Variants in NEK11 observed in about 807,000 individuals in gnomAD.
NEK11 encodes NIMA related kinase 11.
A neutral mutation model predicts 80.7 loss-of-function variants in NEK11; 72 were observed. The ratio of observed to expected loss-of-function variants is 0.89; its 90% CI spans 0.74 to 1.08. The LOEUF (loss-of-function observed/expected upper bound fraction) is 1.08. NEK11 is among the 50% of genes least tolerant of loss of function. The pLI is 0.00. For synonymous variants in NEK11, 251 were observed against 260.7 expected, an observed-to-expected ratio of 0.96 and a Z score of 0.36; for missense variants, 764 against 763.6, an observed-to-expected ratio of 1.00 and a Z score of -0.01.
At chr3:131,098,583 T>C (rs1578227782) in intron 4 of NEK11, among the ~76,000 whole-genome samples, 1 of 151,806 alleles carries the variant, frequency 6.6e-6, no homozygotes. Context: ...CCCACTTTTT[T>C]TTTTTTTTTT....
At chr3:131,147,202 A>G (rs909514222) in intron 7 of NEK11, among the ~76,000 whole-genome samples, 2 of 152,108 alleles carry the variant, frequency 1.3e-5, no homozygotes, top group African/African-American at 4.8e-5. Flanking sequence ...TGTCTTTCAC[A>G]GTAACATCTA....
At chr3:131,187,469 C>T (rs919280190) in intron 14 of NEK11, among the ~76,000 whole-genome samples, 7 of 152,182 alleles carry the variant, frequency 4.6e-5, no homozygotes, top group Non-Finnish European at 1.0e-4. Flanking sequence ...CTATTTCCCT[C>T]ATTTTCCAGT....
In NEK11 at chr3:131,170,808, G is replaced by A; in HGVS notation, c.1320G>A (p.Glu440=). ...SDEPTLENLP[E]SQPIPSMDLH... is the part of the protein sequence containing the mutation. Reference sequence around the variant, plus strand: ...AACCAACTTTAGAGAACCTGCCTGAGTCTCAGCCTATTCCTTCCATGGACC... The same window carrying A: ...AACCAACTTTAGAGAACCTGCCTGAATCTCAGCCTATTCCTTCCATGGACC... The change falls in exon 14 of 18, where the codon GAG becomes GAA. Residue 440 remains glutamate (E), a synonymous_variant. Coordinates refer to ENST00000383366, the MANE Select transcript of NEK11 (RefSeq NM_024800.5). 6.2e-7 allele frequency: 1 copy of A among 1,614,106 alleles called. No homozygotes were observed.
chr3:131,184,546 T>A (rs2150207899), intron 14 of NEK11, among the ~76,000 whole-genome samples: 1 of 152,260 alleles, frequency 6.6e-6, no homozygotes, highest in East Asian at 1.9e-4. Context: ...TAGGGAAAAA[T>A]CCTATTAAGA....
chr3:131,128,449 AT>A (rs2083763422), intron 5 of NEK11, among the ~76,000 whole-genome samples: 2 of 152,192 alleles, frequency 1.3e-5, no homozygotes, highest in African/African-American at 4.8e-5. Context: ...AGTAGTATGC[AT>A]TTAAGTTTCT....
chr3:131,218,669 G>T (rs2094922347), intron 14 of NEK11, among the ~76,000 whole-genome samples: 2 of 152,312 alleles, frequency 1.3e-5, no homozygotes, highest in South Asian at 4.1e-4. Flanking sequence ...AAATGAGGCT[G>T]ATAGGGTGGG....
intron 16 of NEK11, among the ~76,000 whole-genome samples, chr3:131,267,183 T>C (rs1231248275): frequency 2.6e-5 from 4 of 152,248 alleles, no homozygotes; most frequent in Admixed American, 2.0e-4. Context: ...ATTTAGCCCA[T>C]TGACATTTAA....
At chr3:131,272,463 C>CTTCTTTTTTT (rs2096210843) in intron 16 of NEK11, among the ~76,000 whole-genome samples, 2 of 43,884 alleles carry the variant, frequency 4.6e-5, no homozygotes, top group African/African-American at 1.8e-4. Flanking sequence ...GTTTTAGCTT[C>CTTCTTTTTTT]TTTTTTTTTT....
intron 14 of NEK11, among the ~76,000 whole-genome samples, chr3:131,208,143 C>T (rs2150477030): frequency 6.6e-6 from 1 of 152,208 alleles, no homozygotes; most frequent in South Asian, 2.1e-4. Context: ...AATTTTTGTA[C>T]AAGGTGTAAG....
chr3:131,105,497 A>C (rs1223698967), intron 4 of NEK11, among the ~76,000 whole-genome samples: 1 of 152,212 alleles, frequency 6.6e-6, no homozygotes, highest in East Asian at 1.9e-4. Context: ...GTAATTTATA[A>C]AGGAAAGAGG....
intron 17 of NEK11, among the ~76,000 whole-genome samples, chr3:131,274,268 T>C (rs2096253522): frequency 6.8e-6 from 1 of 147,922 alleles, no homozygotes; most frequent in African/African-American, 2.6e-5. Context: ...TTCATCCATG[T>C]CCCTACAAAG....
intron 13 of NEK11, among the ~76,000 whole-genome samples, chr3:131,169,457 A>G (rs979586866): frequency 2.6e-5 from 4 of 152,112 alleles, no homozygotes; most frequent in Non-Finnish European, 5.9e-5. Context: ...AAGGCCTTTT[A>G]TTTTAGCAGG....
chr3:131,202,772 A>G (rs927275005), intron 14 of NEK11, among the ~76,000 whole-genome samples: 1 of 152,242 alleles, frequency 6.6e-6, no homozygotes, highest in Non-Finnish European at 1.5e-5. Context: ...AGCAAAGGAT[A>G]TGAACAGACA....
chr3:131,126,788 C>A (rs1232708674), intron 5 of NEK11, among the ~76,000 whole-genome samples: 1 of 151,838 alleles, frequency 6.6e-6, no homozygotes, highest in African/African-American at 2.4e-5. Context: ...TTTTGCTTCT[C>A]CCCTATTCTC....
At chr3:131,147,298 G>T (rs1449542544) in intron 7 of NEK11, among the ~76,000 whole-genome samples, 1 of 151,820 alleles carries the variant, frequency 6.6e-6, no homozygotes, top group East Asian at 1.9e-4. Flanking sequence ...TATTCAATTG[G>T]CCCAGCATAA....
intron 14 of NEK11, among the ~76,000 whole-genome samples, chr3:131,189,531 C>T (rs891752711): frequency 3.9e-5 from 6 of 152,234 alleles, no homozygotes; most frequent in African/African-American, 1.2e-4. Flanking sequence ...ACAATCTCAT[C>T]ACCCCTCAAA....
chr3:131,166,711 A>G (rs1382854801), intron 12 of NEK11, among the ~76,000 whole-genome samples: 1 of 152,074 alleles, frequency 6.6e-6, no homozygotes, highest in Non-Finnish European at 1.5e-5. Flanking sequence ...GAATTGGGAG[A>G]TGGGTTCTTT....
intron 4 of NEK11, 37 bp from the exon 5 acceptor site, chr3:131,109,766 G>A (rs765852906): frequency 1.9e-6 from 3 of 1,547,472 alleles, no homozygotes; most frequent in Non-Finnish European, 1.7e-6. Context: ...TAACATATTA[G>A]CTGAAAAAAT....
chr3:131,201,748 C>A (rs1197525750), intron 14 of NEK11, among the ~76,000 whole-genome samples: 1 of 151,834 alleles, frequency 6.6e-6, no homozygotes, highest in Non-Finnish European at 1.5e-5. Flanking sequence ...TTCTGGCAGG[C>A]ATCCTGTATA....
Sources: gnomAD v4.1 joint callset for allele counts (sites outside exome capture counted in the v4.1 genomes callset) on GRCh38, gnomAD v4.1.1 for gene constraint, MANE v1.5 for transcripts, NCBI Gene and HGNC (gene_info 2026-07-23, HGNC 2026-07-21) for gene names.